The following SYTL5 variants were observed in gnomAD, a reference collection of about 807,000 sequenced individuals.
SYTL5 encodes synaptotagmin like 5.
In SYTL5, 34 loss-of-function variants were observed where a neutral mutation model predicts 55.9. That is an observed-to-expected ratio of 0.61 (90% CI 0.46 to 0.81). SYTL5 has a LOEUF of 0.81. Ranked by LOEUF, SYTL5 falls within the 30% of genes least tolerant of loss-of-function variation. The probability of loss-of-function intolerance (pLI) is 0.00; values close to 1 mark genes in which losing one functional copy is unlikely to be tolerated. For synonymous variants in SYTL5, 221 were observed against 188.7 expected, an observed-to-expected ratio of 1.17 and a Z score of -1.40; for missense variants, 637 against 546.7, an observed-to-expected ratio of 1.17 and a Z score of -1.65.
the SYTL5 span, among the ~76,000 whole-genome samples, chrX:37,940,684 C>T: frequency 9.3e-6 from 1 of 107,661 alleles, no homozygotes; most frequent in East Asian, 2.9e-4. Context: ...GGTGTATGAA[C>T]TGGGCCTGTA....
At chrX:38,050,718 G>A (rs955999521) in intron 2 of SYTL5, among the ~76,000 whole-genome samples, 1 of 111,974 alleles carries the variant, frequency 8.9e-6, no homozygotes, top group African/African-American at 3.2e-5. Flanking sequence ...CAAACTCTTA[G>A]TGGCTTAAAA....
rs561794388 is a variant in SYTL5 at position 38,072,535 on chromosome X, A to T, written c.445+373A>T. On this transcript the variant is annotated intron_variant, in intron 4 of 16. Coordinates refer to ENST00000297875, the MANE Select transcript of SYTL5 (RefSeq NM_138780.3). The stretch of plus-strand genomic sequence containing the variant: ...AATCCTTGATTTTTCAACAATATTT[A>T]TTTCCGATTTCCTTTCAATGTTACT... Among the ~76,000 whole-genome samples, 25 of 112,265 alleles carry T rather than the reference A, an allele frequency of 2.2e-4. No homozygotes were observed. In the South Asian group the frequency reaches 6.3e-3, roughly 28 times the overall value.
the SYTL5 span, among the ~76,000 whole-genome samples, chrX:37,991,957 A>G: frequency 5.4e-3 from 603 of 112,555 alleles, 2 homozygotes; most frequent in Non-Finnish European, 6.2e-3. Flanking sequence ...AATCAAAAGA[A>G]TATATAAAAT....
the SYTL5 span, among the ~76,000 whole-genome samples, chrX:37,991,622 A>G: frequency 3.6e-5 from 4 of 110,737 alleles, no homozygotes; most frequent in Non-Finnish European, 7.6e-5. Flanking sequence ...CTGGGGCCTG[A>G]GGTGGAGCTG....
chrX:38,088,532 T>G (rs1167867516), intron 6 of SYTL5, among the ~76,000 whole-genome samples: 1 of 112,347 alleles, frequency 8.9e-6, no homozygotes, highest in Non-Finnish European at 1.9e-5. Context: ...TATGTTGACT[T>G]ATGAAGCTCA....
intron 1 of SYTL5, among the ~76,000 whole-genome samples, chrX:38,009,433 T>G (rs1478513076): frequency 1.8e-5 from 2 of 112,002 alleles, no homozygotes. Context: ...TTCATTTGTT[T>G]CTGTGAATGG....
the SYTL5 span, among the ~76,000 whole-genome samples, chrX:37,910,469 C>A: frequency 6.2e-5 from 7 of 112,217 alleles, no homozygotes; most frequent in African/African-American, 2.3e-4. Flanking sequence ...GGGGGAGACA[C>A]AATTCAGCCC....
At chrX:38,035,322 T>C (rs1214020684) in intron 2 of SYTL5, among the ~76,000 whole-genome samples, 2 of 112,517 alleles carry the variant, frequency 1.8e-5, no homozygotes, top group African/African-American at 6.5e-5. Context: ...CAAAAAAAAT[T>C]ATGTTGTTTA....
the SYTL5 span, among the ~76,000 whole-genome samples, chrX:37,890,439 T>C: frequency 8.9e-6 from 1 of 111,907 alleles, no homozygotes; most frequent in Non-Finnish European, 1.9e-5. Flanking sequence ...TGAAAAACAT[T>C]GTAATTTTGG....
At chrX:37,914,654 C>T in the SYTL5 span, among the ~76,000 whole-genome samples, 4 of 111,487 alleles carry the variant, frequency 3.6e-5, no homozygotes, top group Non-Finnish European at 7.5e-5. Context: ...GTCTTGAATG[C>T]GGTGATGGGT....
intron 2 of SYTL5, among the ~76,000 whole-genome samples, chrX:38,052,058 G>T (rs1490107512): frequency 8.9e-6 from 1 of 111,989 alleles, no homozygotes; most frequent in African/African-American, 3.2e-5. Context: ...AACTTCCAGG[G>T]TTTCTTCATG....
At chrX:38,022,651 C>T (rs1030029777) in intron 1 of SYTL5, among the ~76,000 whole-genome samples, 2 of 112,211 alleles carry the variant, frequency 1.8e-5, no homozygotes, top group African/African-American at 6.5e-5. Flanking sequence ...CCATCTAATC[C>T]AGGCTAATCT....
the SYTL5 span, among the ~76,000 whole-genome samples, chrX:37,993,317 G>T: frequency 8.9e-6 from 1 of 112,062 alleles, no homozygotes; most frequent in South Asian, 3.7e-4. Context: ...ACTAAAATTA[G>T]AAAAACACAA....
the SYTL5 span, among the ~76,000 whole-genome samples, chrX:37,964,627 T>A: frequency 4.8e-4 from 54 of 111,615 alleles, no homozygotes; most frequent in African/African-American, 1.6e-3. Context: ...TTAATGTTCC[T>A]TCCTCTTCAA....
chrX:38,108,437 C>T (rs1937269098), intron 11 of SYTL5, among the ~76,000 whole-genome samples, 163 bp from the exon 12 acceptor site: 1 of 111,893 alleles, frequency 8.9e-6, no homozygotes, highest in Non-Finnish European at 1.9e-5. Context: ...ACGGAAGGCC[C>T]AGTGTTCTAT....
chrX:37,914,882 T>C, the SYTL5 span, among the ~76,000 whole-genome samples: 1 of 111,814 alleles, frequency 8.9e-6, no homozygotes, highest in Non-Finnish European at 1.9e-5. Context: ...TAATGTGTTT[T>C]TTTCTTTTGT....
chrX:37,971,608 A>T, the SYTL5 span, among the ~76,000 whole-genome samples: 1 of 111,335 alleles, frequency 9.0e-6, no homozygotes, highest in African/African-American at 3.3e-5. Flanking sequence ...GTAACAGCAG[A>T]TTTAAAGCAG....
At position 38,126,689 on chromosome X, in the gene SYTL5, G is replaced by A. The variant is rs1023163615; in HGVS notation, c.2152G>A (p.Val718Ile). Reference protein sequence around the residue: ...ANNPGTPFEGVLMLRSSMGKC... With the variant: ...ANNPGTPFEGILMLRSSMGKC... ...CAACCCTGGAACTCCCTTTGAGGGT[G>A]TACTCATGCTTCGTTCCAGCATGGG... Residue 718 changes from valine to isoleucine, a missense_variant, in exon 17 of 17, where the codon GTA (valine) becomes ATA (isoleucine). By Grantham distance (29) the Val-to-Ile change is conservative (BLOSUM62 3). Transcript: ENST00000297875. The A allele has an allele frequency of 2.5e-6, 3 of 1,209,886 alleles. No homozygotes were observed. The highest frequency in any genetic ancestry group is 4.4e-5 in the Admixed American group (2 of 45,888).
At chrX:37,910,428 C>A in the SYTL5 span, among the ~76,000 whole-genome samples, 1 of 112,234 alleles carries the variant, frequency 8.9e-6, no homozygotes, top group Non-Finnish European at 1.9e-5. Flanking sequence ...ATTTAGAGCC[C>A]CTGAAGGCTG....
Sources: gnomAD v4.1 joint callset for allele counts (sites outside exome capture counted in the v4.1 genomes callset) on GRCh38, gnomAD v4.1.1 for gene constraint, MANE v1.5 for transcripts, NCBI Gene and HGNC (gene_info 2026-07-23, HGNC 2026-07-21) for gene names.